SGCZ: variants seen among roughly 807,000 people sequenced by gnomAD.
The protein encoded by SGCZ is zeta-sarcoglycan.
Under a neutral mutation model 41.3 loss-of-function variants are expected in SGCZ, and 40 were observed. The observed-to-expected ratio is 0.97, with a 90% CI of 0.75 to 1.26. The LOEUF (loss-of-function observed/expected upper bound fraction) is 1.26, where lower values mean the gene tolerates loss of function less well. Among genes scored for constraint, SGCZ ranks in the 50% most tolerant of loss-of-function variants. The pLI, the probability that SGCZ is intolerant of heterozygous loss-of-function variation, is 0.00. For missense variants in SGCZ, 552 were observed against 369.8 expected (o/e 1.49, Z -4.04); for synonymous variants, 206 against 137.5 (o/e 1.50, Z -3.49).
At chr8:14,297,741 G>A (rs930545719) in intron 3 of SGCZ, among the ~76,000 whole-genome samples, 3 of 151,858 alleles carry the variant, frequency 2.0e-5, no homozygotes, top group Non-Finnish European at 4.4e-5. Context: ...CCATTTAAAC[G>A]GCTATATCTG....
chr8:14,595,410 CACACACA>C (rs1484378841), intron 1 of SGCZ, among the ~76,000 whole-genome samples: 2 of 90,458 alleles, frequency 2.2e-5, no homozygotes, highest in African/African-American at 8.3e-5. Flanking sequence ...AACACACACA[CACACACA>C]CACACACACA....
At chr8:14,134,763 G>T (rs923194217) in intron 5 of SGCZ, among the ~76,000 whole-genome samples, 4 of 151,978 alleles carry the variant, frequency 2.6e-5, no homozygotes, top group Non-Finnish European at 5.9e-5. Context: ...TCACATTTCT[G>T]TTTTTTTAAA....
intron 1 of SGCZ, among the ~76,000 whole-genome samples, chr8:14,710,369 C>CAAAAAA (rs770994264): frequency 1.1e-4 from 10 of 92,394 alleles, no homozygotes; most frequent in Non-Finnish European, 1.3e-4. Context: ...GACTCCGCAT[C>CAAAAAA]AAAAAAAAAA....
At chr8:14,632,858 A>G (rs1193785749) in intron 1 of SGCZ, among the ~76,000 whole-genome samples, 2 of 152,094 alleles carry the variant, frequency 1.3e-5, no homozygotes, top group Non-Finnish European at 2.9e-5. Flanking sequence ...AAATGAATGG[A>G]TAAAGGTAAA....
At chr8:14,856,308 G>T (rs758292369) in intron 1 of SGCZ, among the ~76,000 whole-genome samples, 5 of 152,202 alleles carry the variant, frequency 3.3e-5, no homozygotes, top group Non-Finnish European at 7.3e-5. Context: ...GGCTTCAGGG[G>T]AGATTTGGGA....
At chr8:15,208,326 T>A (rs561553830) in intron 1 of SGCZ, among the ~76,000 whole-genome samples, 13 of 152,332 alleles carry the variant, frequency 8.5e-5, no homozygotes, top group African/African-American at 3.1e-4. Flanking sequence ...ATGACGGGTA[T>A]GATTTAAGAC....
At chr8:14,384,435 T>A (rs190610899) in intron 2 of SGCZ, among the ~76,000 whole-genome samples, 23 of 152,320 alleles carry the variant, frequency 1.5e-4, no homozygotes, top group African/African-American at 5.1e-4. Context: ...TACTATGTTT[T>A]GAGAAATTTA....
intron 1 of SGCZ, chr8:14,853,473 A>G (rs759111797): frequency 1.9e-6 from 1 of 533,172 alleles, no homozygotes; most frequent in South Asian, 1.4e-5. Flanking sequence ...GCTGATTAAT[A>G]TCCACCCAAA....
At chr8:14,462,014 A>G (rs1214007178) in intron 2 of SGCZ, among the ~76,000 whole-genome samples, 1 of 152,092 alleles carries the variant, frequency 6.6e-6, no homozygotes, top group African/African-American at 2.4e-5. Context: ...TCATTCAATT[A>G]TTAATTATTT....
intron 2 of SGCZ, among the ~76,000 whole-genome samples, chr8:14,547,010 C>T (rs1252422816): frequency 1.3e-5 from 2 of 151,686 alleles, no homozygotes; most frequent in South Asian, 2.1e-4. Context: ...GTCTATAATG[C>T]ATATAATCTT....
intron 3 of SGCZ, among the ~76,000 whole-genome samples, chr8:14,283,835 C>A (rs1004160827): frequency 5.9e-5 from 9 of 152,160 alleles, no homozygotes; most frequent in African/African-American, 2.2e-4. Context: ...TGCTACTTTA[C>A]AAAGCAAGTG....
chr8:14,574,079 A>G (rs1023561626), intron 1 of SGCZ, among the ~76,000 whole-genome samples: 2 of 152,170 alleles, frequency 1.3e-5, no homozygotes, highest in African/African-American at 4.8e-5. Context: ...TGAGTAATAG[A>G]TGCTCTAGGA....
chr8:14,784,242 A>T (rs534352708), intron 1 of SGCZ, among the ~76,000 whole-genome samples: 1 of 151,708 alleles, frequency 6.6e-6, no homozygotes, highest in Non-Finnish European at 1.5e-5. Flanking sequence ...TGTAGAGACA[A>T]GGTCTCAATA....
chr8:14,468,022 G>C (rs1801101648), intron 2 of SGCZ, among the ~76,000 whole-genome samples: 1 of 151,902 alleles, frequency 6.6e-6, no homozygotes, highest in Non-Finnish European at 1.5e-5. Flanking sequence ...GTTCCTAAGT[G>C]TTAATAAAAA....
chr8:14,610,054 G>A (rs1332138242), intron 1 of SGCZ, among the ~76,000 whole-genome samples: 1 of 152,100 alleles, frequency 6.6e-6, no homozygotes, highest in African/African-American at 2.4e-5. Context: ...ATATTAATTG[G>A]GGGTTTAAAA....
At chr8:14,634,949 A>G (rs181769478) in intron 1 of SGCZ, among the ~76,000 whole-genome samples, 1 of 151,976 alleles carries the variant, frequency 6.6e-6, no homozygotes, top group Non-Finnish European at 1.5e-5. Context: ...GTTTATTGGT[A>G]TAATTGATGC....
intron 3 of SGCZ, among the ~76,000 whole-genome samples, chr8:14,265,793 A>C (rs1050460067): frequency 6.6e-6 from 1 of 151,990 alleles, no homozygotes; most frequent in Non-Finnish European, 1.5e-5. Flanking sequence ...AAATTAAAAA[A>C]AAATCACACA....
intron 2 of SGCZ, among the ~76,000 whole-genome samples, chr8:14,331,838 G>A (rs1802337909): frequency 6.6e-6 from 1 of 151,444 alleles, no homozygotes; most frequent in African/African-American, 2.4e-5. Flanking sequence ...ATATGCAAAT[G>A]CTTTTTTAAA....
At position 14,553,754 on chromosome 8, in the gene SGCZ, C is replaced by T. The variant is rs369857164; in HGVS notation, c.234+978G>A. On this transcript the variant is annotated intron_variant, in intron 2 of 7. Coordinates refer to ENST00000382080, the MANE Select transcript of SGCZ (RefSeq NM_139167.4). Reference sequence around the variant, plus strand: ...CAGAAAGAGACGATTCTTGCTAAACCAATACCCAGTGGGGTTTAAAAAACA... The same window carrying T: ...CAGAAAGAGACGATTCTTGCTAAACTAATACCCAGTGGGGTTTAAAAAACA... Among the ~76,000 whole-genome samples the T allele has an allele frequency of 1.6e-4, 25 of 152,096 alleles. No individual in the cohort carries two copies. The South Asian group carries it at 5.2e-3, about 32-fold the overall frequency.
Sources: gnomAD v4.1 joint callset for allele counts (sites outside exome capture counted in the v4.1 genomes callset) on GRCh38, gnomAD v4.1.1 for gene constraint, MANE v1.5 for transcripts, NCBI Gene and HGNC (gene_info 2026-07-23, HGNC 2026-07-21) for gene names.